The following ZNF143 variants were observed in gnomAD, a reference collection of about 807,000 sequenced individuals.
ZNF143 encodes the protein zinc finger protein 143.
Under a neutral mutation model 74.1 loss-of-function variants are expected in ZNF143, and 49 were observed. That is an observed-to-expected ratio of 0.66 (90% CI 0.53 to 0.84). The LOEUF (loss-of-function observed/expected upper bound fraction) is 0.84. Ranked by LOEUF, ZNF143 falls within the 40% of genes least tolerant of loss-of-function variation. ZNF143 has a pLI of 0.00. For synonymous variants in ZNF143, 304 were observed against 282.8 expected (o/e 1.07, Z -0.75); for missense variants, 637 against 793.4 (o/e 0.80, Z 2.37).
chr11:9,472,931 T>TTA (rs397825784), intron 3 of ZNF143, among the ~76,000 whole-genome samples, 162 bp downstream of exon 3: 201 of 151,460 alleles, frequency 1.3e-3, no homozygotes, highest in African/African-American at 4.3e-3. Context: ...TTTTTTTTTT[T>TTA]ATAATTTGGA....
chr11:9,502,859 C>G (rs1218858646), intron 11 of ZNF143, among the ~76,000 whole-genome samples: 1 of 151,730 alleles, frequency 6.6e-6, no homozygotes, highest in Non-Finnish European at 1.5e-5. Flanking sequence ...TTTTGTCTGA[C>G]TTCGTTCTCT....
chr11:9,465,473 C>T (rs867683813), intron 1 of ZNF143, among the ~76,000 whole-genome samples: 6 of 151,380 alleles, frequency 4.0e-5, no homozygotes, highest in Non-Finnish European at 8.8e-5. Context: ...TGCAAGCCAC[C>T]GTGCCTGGCT....
chr11:9,503,501 C>CATCCCAGCTAACAGTTGTTATT (rs956664410), intron 11 of ZNF143, among the ~76,000 whole-genome samples: 2 of 152,206 alleles, frequency 1.3e-5, no homozygotes, highest in East Asian at 1.9e-4. Flanking sequence ...AGTTTCTCCA[C>CATCCCAGCTAACAGTTGTTATT]ATCCCAGCTA....
rs1848831456 is a variant in ZNF143 at position 9,519,327 on chromosome 11, G to A, written c.1686+2965G>A. On this transcript the variant is annotated intron_variant, in intron 14 of 15. Coordinates refer to ENST00000396602, the MANE Select transcript of ZNF143 (RefSeq NM_003442.6). Reference sequence around the variant, plus strand: ...CCTGGCTAATTTTTTTGTATTTTTAGTAGAGATGGGGTTTTAGCATGTTGG... The same window carrying A: ...CCTGGCTAATTTTTTTGTATTTTTAATAGAGATGGGGTTTTAGCATGTTGG... 3.3e-5 allele frequency among the ~76,000 whole-genome samples: 5 copies of A among 151,920 alleles called. No individual in the cohort carries two copies. In the South Asian group the frequency reaches 1.0e-3, roughly 32 times the overall value.
At chr11:9,485,235 A>G (rs1478413984) in intron 7 of ZNF143, among the ~76,000 whole-genome samples, 1 of 151,048 alleles carries the variant, frequency 6.6e-6, no homozygotes, top group Non-Finnish European at 1.5e-5. Flanking sequence ...AATCATGTTT[A>G]TGTTTAGAAA....
At chr11:9,509,179 C>G (rs944099823) in intron 12 of ZNF143, among the ~76,000 whole-genome samples, 1 of 152,134 alleles carries the variant, frequency 6.6e-6, no homozygotes, top group Non-Finnish European at 1.5e-5. Flanking sequence ...ATGGCACATG[C>G]AGAAAGCCAG....
intron 13 of ZNF143, among the ~76,000 whole-genome samples, chr11:9,512,974 A>G (rs1271469237): frequency 6.6e-6 from 1 of 152,218 alleles, no homozygotes; most frequent in East Asian, 1.9e-4. Flanking sequence ...GGTGATCAGC[A>G]TATGATGGCA....
At chr11:9,461,127 C>T (rs1193467483) in intron 1 of ZNF143, 51 bp downstream of exon 1, 3 of 978,486 alleles carry the variant, frequency 3.1e-6, no homozygotes, top group African/African-American at 3.5e-5. Context: ...TCCGCCTGGC[C>T]GCCGCCCTCA....
At chr11:9,495,440 CAATA>C (rs1176732386) in intron 8 of ZNF143, among the ~76,000 whole-genome samples, 1 of 152,076 alleles carries the variant, frequency 6.6e-6, no homozygotes, top group African/African-American at 2.4e-5. Flanking sequence ...AACTCCATCT[CAATA>C]AATAAATAAA....
intron 1 of ZNF143, among the ~76,000 whole-genome samples, chr11:9,468,440 T>G (rs2133839834): frequency 6.6e-6 from 1 of 152,308 alleles, no homozygotes; most frequent in Non-Finnish European, 1.5e-5. Context: ...GCCAGTCAGT[T>G]TCATATATTC....
At chr11:9,479,103 T>C (rs1847138604) in intron 6 of ZNF143, among the ~76,000 whole-genome samples, 1 of 152,062 alleles carries the variant, frequency 6.6e-6, no homozygotes, top group Non-Finnish European at 1.5e-5. Context: ...GCATTGAACA[T>C]GTATCTCTCA....
At chr11:9,503,168 C>T (rs368679542) in intron 11 of ZNF143, among the ~76,000 whole-genome samples, 1 of 152,158 alleles carries the variant, frequency 6.6e-6, no homozygotes, top group East Asian at 1.9e-4. Flanking sequence ...GTTGTAGCAA[C>T]TTTTAAATTC....
chr11:9,502,098 G>C (rs1159659009), intron 11 of ZNF143, among the ~76,000 whole-genome samples: 1 of 149,998 alleles, frequency 6.7e-6, no homozygotes, highest in Non-Finnish European at 1.5e-5. Flanking sequence ...CACCATGCCC[G>C]GGTAATTTTG....
At chr11:9,477,113 C>CCCTTCCTTCCTTCCTTCCTTCCTT (rs370473998) in intron 5 of ZNF143, among the ~76,000 whole-genome samples, 1 of 70,500 alleles carries the variant, frequency 1.4e-5, no homozygotes, top group Admixed American at 1.4e-4. Flanking sequence ...AAGTCTGCAC[C>CCCTTCCTTCCTTCCTTCCTTCCTT]CCTTCCTTCC....
intron 7 of ZNF143, among the ~76,000 whole-genome samples, chr11:9,490,552 G>A (rs1041226843): frequency 3.3e-5 from 5 of 151,666 alleles, no homozygotes; most frequent in Admixed American, 1.3e-4. Flanking sequence ...TCTCAAAAGT[G>A]CTGGGATTAC....
At chr11:9,473,813 T>A (rs757016413) in intron 3 of ZNF143, 128 bp from the exon 4 acceptor site, 1 of 1,582,690 alleles carries the variant, frequency 6.3e-7, no homozygotes, top group African/African-American at 1.3e-5. Context: ...CTCAGAACAT[T>A]GAGGGAAGAA....
At chr11:9,486,396 A>ATATAATTATATATATATAATTATAT (rs1245802133) in intron 7 of ZNF143, among the ~76,000 whole-genome samples, 1 of 11,922 alleles carries the variant, frequency 8.4e-5, no homozygotes, top group Non-Finnish European at 1.8e-4. Context: ...TAATATATAT[A>ATATAATTATATATATATAATTATAT]ATATATTATA....
Position 9,478,481 on chromosome 11 carries a change from C to T in ZNF143, c.465C>T (p.Asp155=), listed in dbSNP as rs183318148. 6.2e-6 allele frequency: 10 copies of T among 1,614,184 alleles called. No individual in the cohort carries two copies. Among genetic ancestry groups the T allele is most frequent in the Non-Finnish European group, 8.5e-6 (10 of 1,180,038 alleles). Residue 155 remains aspartate, a synonymous_variant, in exon 6 of 16, where the codon GAC becomes GAT. Transcript: ENST00000396602. ...IHHAVQVPQS[D]TILAIQADGT... ...ATGCAGTGCAAGTCCCGCAGTCTGACACCATCTTGGCAATTCAGGCTGATG... is the reference window on the plus strand; with the variant it reads ...ATGCAGTGCAAGTCCCGCAGTCTGATACCATCTTGGCAATTCAGGCTGATG...
chr11:9,479,884 C>T (rs766879365), intron 7 of ZNF143, among the ~76,000 whole-genome samples: 1 of 152,190 alleles, frequency 6.6e-6, no homozygotes, highest in Non-Finnish European at 1.5e-5. Context: ...GATACTTTTT[C>T]TGGGACTTCA....
Sources: gnomAD v4.1 joint callset for allele counts (sites outside exome capture counted in the v4.1 genomes callset) on GRCh38, gnomAD v4.1.1 for gene constraint, MANE v1.5 for transcripts, NCBI Gene and HGNC (gene_info 2026-07-23, HGNC 2026-07-21) for gene names.